Variants in HS6ST3 observed in about 807,000 individuals in gnomAD.
HS6ST3 encodes the protein heparan-sulfate 6-O-sulfotransferase 3.
HS6ST3 carries 12 observed loss-of-function variants against 36.7 expected under a neutral mutation model. The ratio of observed to expected loss-of-function variants is 0.33; its 90% CI spans 0.21 to 0.53. The LOEUF is 0.53. Ranked by LOEUF, HS6ST3 falls within the 20% of genes least tolerant of loss-of-function variation. The pLI is 0.95. For missense variants in HS6ST3, 584 were observed against 640.9 expected (o/e 0.91, Z 0.96); for synonymous variants, 240 against 257.5 (o/e 0.93, Z 0.65).
At chr13:96,113,280 A>T (rs576912118) in intron 1 of HS6ST3, among the ~76,000 whole-genome samples, 1 of 152,350 alleles carries the variant, frequency 6.6e-6, no homozygotes, top group South Asian at 2.1e-4. Flanking sequence ...GGGAGAAGCC[A>T]GACTCAGAGC....
chr13:96,252,570 C>G (rs2054612430), intron 1 of HS6ST3, among the ~76,000 whole-genome samples: 1 of 152,144 alleles, frequency 6.6e-6, no homozygotes, highest in African/African-American at 2.4e-5. Context: ...CTGGTTTCTC[C>G]CAATCCATCA....
At chr13:96,778,993 A>C (rs1355591732) in intron 1 of HS6ST3, among the ~76,000 whole-genome samples, 12 of 152,334 alleles carry the variant, frequency 7.9e-5, no homozygotes, top group African/African-American at 2.6e-4. Flanking sequence ...GCAGCCTTAA[A>C]AAAGGATGAG....
intron 1 of HS6ST3, among the ~76,000 whole-genome samples, chr13:96,405,255 A>G (rs1013578457): frequency 3.3e-5 from 5 of 152,210 alleles, no homozygotes; most frequent in African/African-American, 1.2e-4. Context: ...ATGTCCGTAT[A>G]TGCCATCATT....
intron 1 of HS6ST3, among the ~76,000 whole-genome samples, chr13:96,591,702 C>T (rs1349965791): frequency 6.6e-6 from 1 of 151,896 alleles, no homozygotes; most frequent in African/African-American, 2.4e-5. Context: ...TTCTCTTGTC[C>T]GATTGCTCTA....
At chr13:96,226,372 T>C (rs1469164909) in intron 1 of HS6ST3, among the ~76,000 whole-genome samples, 1 of 152,122 alleles carries the variant, frequency 6.6e-6, no homozygotes, top group East Asian at 1.9e-4. Context: ...AATACAAAAT[T>C]AGCCATGCAT....
chr13:96,234,763 G>T (rs1320809829), intron 1 of HS6ST3, among the ~76,000 whole-genome samples: 1 of 152,048 alleles, frequency 6.6e-6, no homozygotes, highest in Non-Finnish European at 1.5e-5. Context: ...GTTTTGGGTG[G>T]GGACACAGCC....
At chr13:96,717,961 C>G (rs1246157570) in intron 1 of HS6ST3, among the ~76,000 whole-genome samples, 2 of 152,300 alleles carry the variant, frequency 1.3e-5, no homozygotes, top group Middle Eastern at 3.4e-3. Context: ...TTACATTTGA[C>G]TTTCCCTGAC....
chr13:96,490,935 G>T (rs753003756), intron 1 of HS6ST3, among the ~76,000 whole-genome samples: 3 of 152,200 alleles, frequency 2.0e-5, no homozygotes, highest in African/African-American at 7.2e-5. Flanking sequence ...CACCTATGGC[G>T]AACCACGCAA....
At chr13:96,810,551 G>A (rs905529784) in intron 1 of HS6ST3, among the ~76,000 whole-genome samples, 3 of 152,176 alleles carry the variant, frequency 2.0e-5, no homozygotes, top group Admixed American at 6.5e-5. Flanking sequence ...CTGGAGGTTG[G>A]TACTATTTTT....
At chr13:96,193,939 A>G (rs1447727664) in intron 1 of HS6ST3, among the ~76,000 whole-genome samples, 1 of 152,212 alleles carries the variant, frequency 6.6e-6, no homozygotes, top group Non-Finnish European at 1.5e-5. Context: ...GGAACCCAGG[A>G]AGCTTCCAGA....
At chr13:96,703,593 A>G (rs1173326692) in intron 1 of HS6ST3, among the ~76,000 whole-genome samples, 2 of 152,192 alleles carry the variant, frequency 1.3e-5, no homozygotes, top group Admixed American at 1.3e-4. Flanking sequence ...ACTACTTACT[A>G]CAATTGCTCC....
intron 1 of HS6ST3, among the ~76,000 whole-genome samples, chr13:96,544,146 C>A (rs999136484): frequency 1.4e-4 from 21 of 152,110 alleles, no homozygotes; most frequent in Non-Finnish European, 3.1e-4. Context: ...TATATTCTCA[C>A]TGACATCTGA....
intron 1 of HS6ST3, among the ~76,000 whole-genome samples, chr13:96,199,730 G>T (rs2054331865): frequency 6.6e-6 from 1 of 152,086 alleles, no homozygotes; most frequent in African/African-American, 2.4e-5. Flanking sequence ...GACTTGAATT[G>T]TACAAGATAG....
intron 1 of HS6ST3, among the ~76,000 whole-genome samples, chr13:96,607,488 A>G (rs1446312313): frequency 1.3e-5 from 2 of 152,226 alleles, no homozygotes; most frequent in Non-Finnish European, 2.9e-5. Context: ...GAGAGACATC[A>G]TAAGAACTGG....
At chr13:96,376,269 C>T (rs561421538) in intron 1 of HS6ST3, among the ~76,000 whole-genome samples, 1 of 152,290 alleles carries the variant, frequency 6.6e-6, no homozygotes, top group South Asian at 2.1e-4. Flanking sequence ...AGCATTTGGG[C>T]TTTTCATGAA....
chr13:96,533,301 A>G (rs1408415525), intron 1 of HS6ST3, among the ~76,000 whole-genome samples: 1 of 152,184 alleles, frequency 6.6e-6, no homozygotes, highest in Non-Finnish European at 1.5e-5. Context: ...AGCCCTCCAC[A>G]TTTATTTACT....
intron 1 of HS6ST3, among the ~76,000 whole-genome samples, chr13:96,446,581 C>G (rs1301064708): frequency 6.6e-6 from 1 of 152,194 alleles, no homozygotes; most frequent in Admixed American, 6.5e-5. Context: ...CAACCTTGAA[C>G]TGGGTGTCGC....
intron 1 of HS6ST3, among the ~76,000 whole-genome samples, chr13:96,691,951 A>G (rs1450802435): frequency 1.3e-5 from 2 of 152,120 alleles, no homozygotes; most frequent in East Asian, 1.9e-4. Context: ...CACGTGAGAG[A>G]AACAGCATTC....
chr13:96,176,352 G>C (rs1465847662), intron 1 of HS6ST3, among the ~76,000 whole-genome samples: 1 of 152,136 alleles, frequency 6.6e-6, no homozygotes, highest in African/African-American at 2.4e-5. Flanking sequence ...ATGAGAGGAA[G>C]TTTATAGAAG....
Sources: gnomAD v4.1 joint callset for allele counts (sites outside exome capture counted in the v4.1 genomes callset) on GRCh38, gnomAD v4.1.1 for gene constraint, MANE v1.5 for transcripts, NCBI Gene and HGNC (gene_info 2026-07-23, HGNC 2026-07-21) for gene names.